Variants in PTPRD observed in about 807,000 individuals in gnomAD.
The protein encoded by PTPRD is protein tyrosine phosphatase receptor type D.
In PTPRD, 34 loss-of-function variants were observed where a neutral mutation model predicts 214.5. That is an observed-to-expected ratio of 0.16 (90% CI 0.12 to 0.21). PTPRD has a LOEUF of 0.21. Ranked by LOEUF, PTPRD falls within the 10% of genes least tolerant of loss-of-function variation. The probability of loss-of-function intolerance (pLI) is 1.00; values close to 1 mark genes in which losing one functional copy is unlikely to be tolerated. For missense variants in PTPRD, 2,545 were observed against 2,398.7 expected (o/e 1.06, Z -1.27); for synonymous variants, 1,128 against 845.7 (o/e 1.33, Z -5.79).
chr9:10,205,763 A>G (rs2099471255), intron 3 of PTPRD, among the ~76,000 whole-genome samples: 1 of 152,296 alleles, frequency 6.6e-6, no homozygotes, highest in East Asian at 1.9e-4. Flanking sequence ...GAAATAATAT[A>G]TATCTAGAAT....
chr9:8,795,176 T>A (rs902144742), intron 11 of PTPRD, among the ~76,000 whole-genome samples: 14 of 151,246 alleles, frequency 9.3e-5, no homozygotes, highest in South Asian at 2.1e-4. Context: ...AAAAAAAAAA[T>A]TTTTTTTGAG....
chr9:9,037,404 T>C (rs1208556086), intron 10 of PTPRD, among the ~76,000 whole-genome samples: 1 of 152,134 alleles, frequency 6.6e-6, no homozygotes, highest in Non-Finnish European at 1.5e-5. Flanking sequence ...AAACCTCACC[T>C]TAATGTTTCA....
At chr9:8,844,004 T>C (rs2097631082) in intron 11 of PTPRD, among the ~76,000 whole-genome samples, 1 of 152,202 alleles carries the variant, frequency 6.6e-6, no homozygotes, top group African/African-American at 2.4e-5. Context: ...TCACCCATGA[T>C]GAAGAAGCCA....
intron 9 of PTPRD, among the ~76,000 whole-genome samples, chr9:9,369,678 C>T (rs1354778223): frequency 6.6e-6 from 1 of 152,076 alleles, no homozygotes; most frequent in Non-Finnish European, 1.5e-5. Context: ...GACATGAAGT[C>T]CTTGCCCATG....
chr9:10,236,603 A>C (rs2099629701), intron 3 of PTPRD, among the ~76,000 whole-genome samples: 1 of 151,928 alleles, frequency 6.6e-6, no homozygotes, highest in South Asian at 2.1e-4. Flanking sequence ...AATATATAAT[A>C]AGTTATTATA....
At position 9,523,836 on chromosome 9, in the gene PTPRD, G is replaced by T. The variant is rs550749177; in HGVS notation, c.-237+50896C>A. Among the ~76,000 whole-genome samples the T allele has an allele frequency of 1.7e-3, 262 of 152,140 alleles. 6 individuals carry two copies. The highest frequency in any genetic ancestry group is 3.4e-3 in the Middle Eastern group (1 of 294). The stretch of plus-strand genomic sequence containing the variant: ...TCTTCATATTTCTCAGAAGGAATTG[G>T]CATTAGCTACTTTTGCCGGCCCATT... On this transcript the variant is annotated intron_variant, in intron 8 of 45. Coordinates refer to ENST00000381196, the MANE Select transcript of PTPRD (RefSeq NM_002839.4).
At chr9:8,426,095 T>G (rs2094648433) in intron 35 of PTPRD, among the ~76,000 whole-genome samples, 1 of 152,134 alleles carries the variant, frequency 6.6e-6, no homozygotes, top group African/African-American at 2.4e-5. Context: ...TCATGTTAAG[T>G]GACTGACAGA....
chr9:10,443,557 T>G (rs1329689302), intron 2 of PTPRD, among the ~76,000 whole-genome samples: 1 of 151,734 alleles, frequency 6.6e-6, no homozygotes, highest in East Asian at 1.9e-4. Flanking sequence ...ATACACTCCA[T>G]TACTTCAGTA....
At chr9:8,342,368 G>T (rs952804239) in intron 39 of PTPRD, among the ~76,000 whole-genome samples, 2 of 152,076 alleles carry the variant, frequency 1.3e-5, no homozygotes, top group East Asian at 3.9e-4. Context: ...CTAGGCTATA[G>T]TTCTTGCAAA....
At chr9:9,662,016 T>C (rs574406457) in intron 7 of PTPRD, among the ~76,000 whole-genome samples, 68 of 151,872 alleles carry the variant, frequency 4.5e-4, no homozygotes, top group South Asian at 8.3e-4. Context: ...ACATGTATGA[T>C]ATATATGATT....
intron 3 of PTPRD, among the ~76,000 whole-genome samples, chr9:10,055,626 A>T (rs1401702298): frequency 1.3e-5 from 2 of 152,170 alleles, no homozygotes; most frequent in South Asian, 2.1e-4. Flanking sequence ...CTGAGATTTC[A>T]TTCAACTGTC....
intron 9 of PTPRD, among the ~76,000 whole-genome samples, chr9:9,283,533 A>G (rs915046252): frequency 9.9e-5 from 15 of 151,452 alleles, no homozygotes; most frequent in African/African-American, 3.4e-4. Flanking sequence ...AAGTAAGCCC[A>G]ATTATCACTA....
intron 11 of PTPRD, among the ~76,000 whole-genome samples, chr9:8,827,268 A>C (rs1159580726): frequency 6.6e-6 from 1 of 152,014 alleles, no homozygotes; most frequent in African/African-American, 2.4e-5. Flanking sequence ...ATCTATGGTA[A>C]ATAGATACGT....
chr9:9,064,501 C>G (rs2099720751), intron 10 of PTPRD, among the ~76,000 whole-genome samples: 1 of 152,136 alleles, frequency 6.6e-6, no homozygotes. Flanking sequence ...TTCAGTATAT[C>G]CATGGCACCT....
At chr9:10,341,341 C>G (rs1022721987) in intron 2 of PTPRD, among the ~76,000 whole-genome samples, 1 of 151,932 alleles carries the variant, frequency 6.6e-6, no homozygotes, top group South Asian at 2.1e-4. Flanking sequence ...CTTTGAAGCT[C>G]CAAGAATTGT....
In PTPRD at chr9:10,523,639, A is replaced by G. The variant is rs1170827770; in HGVS notation, c.-600+88759T>C. Among the ~76,000 whole-genome samples, 6 of 142,314 alleles carry G rather than the reference A, an allele frequency of 4.2e-5. No homozygotes were observed. In the East Asian group the frequency reaches 1.3e-3, roughly 30 times the overall value. The allele number at this position is 142,314 out of a possible 152,430, so 93.4% of individuals were successfully genotyped here. On this transcript the variant is annotated intron_variant, in intron 2 of 45. Coordinates refer to ENST00000381196, the MANE Select transcript of PTPRD (RefSeq NM_002839.4). ...TATATATATAGACAGAAAGAAAGGG[A>G]GAGAGAGAGAGAGAGAGAAATAAAG...
At chr9:9,593,608 G>T (rs940818740) in intron 7 of PTPRD, among the ~76,000 whole-genome samples, 5 of 151,910 alleles carry the variant, frequency 3.3e-5, no homozygotes, top group African/African-American at 1.2e-4. Context: ...GGAATGTGGA[G>T]GCAGCCCCAC....
intron 5 of PTPRD, among the ~76,000 whole-genome samples, chr9:9,881,283 T>A (rs960354617): frequency 6.6e-6 from 1 of 152,180 alleles, no homozygotes; most frequent in Admixed American, 6.6e-5. Flanking sequence ...ACAACTTGAC[T>A]ATCAGCTATT....
At chr9:9,767,005 C>CT (rs58414208) in intron 5 of PTPRD, among the ~76,000 whole-genome samples, 154 bp from the exon 6 acceptor site, 2,094 of 148,078 alleles carry the variant, frequency 0.014, 62 homozygotes, top group African/African-American at 0.047. Flanking sequence ...GATGTCTTAT[C>CT]TTTTTTTTTT....
Sources: allele counts gnomAD v4.1 joint callset (sites outside exome capture counted in the v4.1 genomes callset), GRCh38; gene constraint gnomAD v4.1.1; transcripts MANE v1.5; gene names NCBI Gene and HGNC (gene_info 2026-07-23, HGNC 2026-07-21).